CELA3A: variants seen among roughly 807,000 people sequenced by gnomAD.
CELA3A encodes chymotrypsin-like elastase family member 3A.
In CELA3A, 35 loss-of-function variants were observed where a neutral mutation model predicts 38.6. The ratio of observed to expected loss-of-function variants is 0.91; its 90% CI spans 0.69 to 1.20. The LOEUF is 1.20. Among genes scored for constraint, CELA3A ranks in the 50% most tolerant of loss-of-function variants. The probability of loss-of-function intolerance (pLI) is 0.00; values close to 1 mark genes in which losing one functional copy is unlikely to be tolerated. For synonymous variants in CELA3A, 143 were observed against 136.7 expected, an observed-to-expected ratio of 1.05 and a Z score of -0.32; for missense variants, 343 against 354.2, an observed-to-expected ratio of 0.97 and a Z score of 0.25.
Position 22,011,870 on chromosome 1 carries a change from C to T in CELA3A, c.796-580C>T, listed in dbSNP as rs777279397. Among the ~76,000 whole-genome samples, 148 of 125,026 alleles carry T rather than the reference C, an allele frequency of 1.2e-3. 40 individuals carry two copies. Among genetic ancestry groups the T allele is most frequent in the African/African-American group, 4.6e-3 (140 of 30,292 alleles). The allele number at this position is 125,026 out of a possible 152,430, so 82.0% of individuals were successfully genotyped here. A position where few individuals can be genotyped will look rare whatever the true frequency, so the allele number is the denominator to read the frequency against. On this transcript the variant is annotated intron_variant, in intron 7 of 7. Transcript: ENST00000290122. ...GAGATTGAGACCATCCTGGCTAACA[C>T]GGTGAAATCCCATCTGTACTAAAAA...
chr1:22,007,380 G>T lies in CELA3A; in HGVS notation c.507G>T (p.Gly169=). The T allele has an allele frequency of 6.2e-7, 1 of 1,610,570 alleles. No individual in the cohort carries two copies. The highest frequency in any genetic ancestry group is 1.7e-5 in the Admixed American group (1 of 59,716). ...TGCTTTTTATCCTTGCAGCCAATGG[G>T]CCACTCCCAGACAAGCTGCAGCAGG... The part of the protein sequence containing the change: ...ITGWGRLYTN[G]PLPDKLQQAR... The change falls in exon 6 of 8, where the codon GGG becomes GGT. Residue 169 remains glycine (G), a synonymous_variant. Coordinates refer to ENST00000290122, the MANE Select transcript of CELA3A (RefSeq NM_005747.5).
At chr1:22,011,511 A>T in intron 7 of CELA3A, among the ~76,000 whole-genome samples, 1 of 128,588 alleles carries the variant, frequency 7.8e-6, no homozygotes, top group Non-Finnish European at 1.6e-5. Context: ...CTGTAATCCA[A>T]GCACTTTGGT....
chr1:22,003,230 C>T (rs1377421152), intron 2 of CELA3A, 142 bp downstream of exon 2: 1 of 904,742 alleles, frequency 1.1e-6, no homozygotes, highest in South Asian at 1.6e-5. Flanking sequence ...CTTGGACCAT[C>T]TACTTCACGG....
At chr1:22,005,931 C>T in intron 4 of CELA3A, 135 bp downstream of exon 4, 2 of 1,544,088 alleles carry the variant, frequency 1.3e-6, no homozygotes. Flanking sequence ...GGAGCTGAGT[C>T]CAGCAGCCTG....
In CELA3A at chr1:22,009,201, G is replaced by A. The variant is rs111609656; in HGVS notation, c.643-504G>A. On this transcript the variant is annotated intron_variant, in intron 6 of 7. Coordinates refer to ENST00000290122, the MANE Select transcript of CELA3A (RefSeq NM_005747.5). ...TAACACGGTGAAACCCCGTCTCTAC[G>A]AAAAATACAAAAATTAGCCGGGCGT... Among the ~76,000 whole-genome samples the A allele has an allele frequency of 5.0e-3, 748 of 150,988 alleles. 36 individuals are homozygous for A. Among genetic ancestry groups the A allele is most frequent in the African/African-American group, 0.017 (702 of 40,808 alleles).
intron 5 of CELA3A, 51 bp from the exon 6 acceptor site, chr1:22,007,322 A>G (rs368712593): frequency 6.4e-7 from 1 of 1,565,066 alleles, no homozygotes; most frequent in Non-Finnish European, 8.6e-7. Context: ...CCTCTGGGGC[A>G]CCTAGCGGTG....
chr1:22,008,096 G>T (rs1644961949), intron 6 of CELA3A, among the ~76,000 whole-genome samples: 1 of 147,078 alleles, frequency 6.8e-6, no homozygotes, highest in Non-Finnish European at 1.5e-5. Context: ...CAAGCTCACA[G>T]TGGCTATGAT....
chr1:22,005,596 G>A, intron 3 of CELA3A, 52 bp downstream of exon 3: 2 of 1,612,060 alleles, frequency 1.2e-6, no homozygotes, highest in Admixed American at 1.7e-5. Flanking sequence ...GGGGGAGAGT[G>A]GGTGATGATG....
rs78674264 is a variant in CELA3A at position 22,005,755 on chromosome 1, G to C, written c.321G>C (p.Leu107=). The change falls in exon 4 of 8, where the codon CTG becomes CTC. Residue 107 remains leucine (L), a synonymous_variant. Coordinates refer to ENST00000290122, the MANE Select transcript of CELA3A (RefSeq NM_005747.5). ...EQVIPINSEE[L]FVHPLWNRSC... is the part of the protein sequence containing the mutation. ...TGATCCCCATCAACTCTGAGGAGCT[G>C]TTTGTGCATCCACTCTGGAACCGCT... The C allele has an allele frequency of 1.0e-4, 163 of 1,602,224 alleles. 8 individuals are homozygous for C. Among genetic ancestry groups the C allele is most frequent in the African/African-American group, 8.3e-4 (61 of 73,648 alleles).
chr1:22,005,777 C>G lies in CELA3A; in HGVS notation c.343C>G (p.Arg115Gly). 6.2e-7 allele frequency: 1 copy of G among 1,611,668 alleles called. No homozygotes were observed. Among genetic ancestry groups the G allele is most frequent in the Non-Finnish European group, 8.5e-7 (1 of 1,179,512 alleles). The change falls in exon 4 of 8, where the codon CGC becomes GGC. Residue 115 changes from arginine to glycine, a missense_variant. Transcript: ENST00000290122. ...GCTGTTTGTGCATCCACTCTGGAAC[C>G]GCTCGTGTGTGGCCTGTGGGTGAGT... is the stretch of plus-strand genomic sequence containing the variant. ...EELFVHPLWNRSCVACGNDIA... is the reference protein window; with the variant it reads ...EELFVHPLWNGSCVACGNDIA...
intron 6 of CELA3A, 38 bp from the exon 7 acceptor site, chr1:22,009,667 A>T (rs777732594): frequency 1.2e-6 from 2 of 1,600,888 alleles, no homozygotes; most frequent in South Asian, 1.1e-5. Flanking sequence ...TAAACCTCAG[A>T]CATGGCTCAG....
At chr1:22,002,628 C>A (rs559498425) in intron 1 of CELA3A, 1 of 457,740 alleles carries the variant, frequency 2.2e-6, no homozygotes, top group Non-Finnish European at 4.4e-6. Flanking sequence ...CAGGTGTGAA[C>A]CACCACACAC....
At chr1:22,009,476 C>G (rs567060581) in intron 6 of CELA3A, among the ~76,000 whole-genome samples, 6 of 151,338 alleles carry the variant, frequency 4.0e-5, no homozygotes, top group Non-Finnish European at 5.9e-5. Context: ...ACCTGGGAGC[C>G]GGGAGACGGA....
intron 1 of CELA3A, among the ~76,000 whole-genome samples, chr1:22,002,371 T>A (rs1394483823): frequency 6.6e-6 from 1 of 150,960 alleles, no homozygotes; most frequent in African/African-American, 2.5e-5. Flanking sequence ...ATTTTTTGCT[T>A]TTTTTTTGTA....
At chr1:22,003,134 C>T (rs1418268666) in intron 2 of CELA3A, 46 bp downstream of exon 2, 1 of 1,507,478 alleles carries the variant, frequency 6.6e-7, no homozygotes, top group Non-Finnish European at 9.0e-7. Flanking sequence ...GGGCTCTGGA[C>T]CCTAAGCTCT....
intron 2 of CELA3A, among the ~76,000 whole-genome samples, chr1:22,004,082 T>TTC (rs887869446): frequency 6.7e-6 from 1 of 149,144 alleles, no homozygotes; most frequent in African/African-American, 2.5e-5. Context: ...TTTGTTTTTT[T>TTC]TTTTTTTGAG....
In CELA3A at chr1:22,005,524, GA is replaced by G; in HGVS notation, c.208del (p.Thr70LeufsTer10). 1 of 1,613,000 alleles carries G rather than the reference GA, an allele frequency of 6.2e-7. No homozygotes were observed. Among genetic ancestry groups the G allele is most frequent in the Non-Finnish European group, 8.5e-7 (1 of 1,179,586 alleles). ...GCCTCATCGCCCCCGATTGGGTTGT[GA>G]CTGCCGGCCACTGCATCTCGTGAGT... ...GSLIAPDWVV[T>X]AGHCISRDLT... is the part of the protein sequence containing the mutation. On this transcript the variant is annotated frameshift_variant, in exon 3 of 8. Coordinates refer to ENST00000290122, the MANE Select transcript of CELA3A (RefSeq NM_005747.5). LOFTEE classifies it high-confidence loss of function.
At chr1:22,008,152 C>CTTTTTTTTTTT (rs71016968) in intron 6 of CELA3A, among the ~76,000 whole-genome samples, 24,498 of 85,924 alleles carry the variant, frequency 0.29, 6,783 homozygotes, top group Middle Eastern at 0.49. Flanking sequence ...GACGTTGTCT[C>CTTTTTTTTTTT]TTTTTTTTTT....
chr1:22,006,797 G>C, intron 4 of CELA3A, 81 bp from the exon 5 acceptor site: 1 of 1,554,898 alleles, frequency 6.4e-7, no homozygotes, highest in Non-Finnish European at 8.7e-7. Context: ...CTCAGAGGTG[G>C]AATAGCCTGG....
Sources: gnomAD v4.1 joint callset for allele counts (sites outside exome capture counted in the v4.1 genomes callset) on GRCh38, gnomAD v4.1.1 for gene constraint, MANE v1.5 for transcripts, NCBI Gene and HGNC (gene_info 2026-07-23, HGNC 2026-07-21) for gene names.